Variants in MRTFB observed in about 807,000 individuals in gnomAD.
MRTFB encodes myocardin related transcription factor B.
A neutral mutation model predicts 104.2 loss-of-function variants in MRTFB; 29 were observed. That is an observed-to-expected ratio of 0.28 (90% CI 0.21 to 0.38). MRTFB has a LOEUF of 0.38. Ranked by LOEUF, MRTFB falls within the 10% of genes least tolerant of loss-of-function variation. MRTFB has a pLI of 1.00. For synonymous variants in MRTFB, 535 were observed against 519.5 expected, an observed-to-expected ratio of 1.03 and a Z score of -0.41; for missense variants, 1,270 against 1,341.6, an observed-to-expected ratio of 0.95 and a Z score of 0.83.
In MRTFB at chr16:14,137,823, A is replaced by G. The variant is rs191277168; in HGVS notation, c.-63-2721A>G. ...GTATGTCACTTATATGCATACATTT[A>G]TAGACTTTTAAAAATTTATTCTGTC... On this transcript the variant is annotated intron_variant, in intron 2 of 16. Transcript: ENST00000571589. 5.8e-4 allele frequency among the ~76,000 whole-genome samples: 88 copies of G among 151,996 alleles called. 1 individual carries two copies. The highest frequency in any genetic ancestry group is 2.0e-3 in the African/African-American group (84 of 41,350).
At chr16:14,108,582 T>A (rs1318827166) in intron 2 of MRTFB, among the ~76,000 whole-genome samples, 1 of 152,198 alleles carries the variant, frequency 6.6e-6, no homozygotes, top group Non-Finnish European at 1.5e-5. Context: ...TTGGCCACTT[T>A]GTAGAAATTT....
the MRTFB span, among the ~76,000 whole-genome samples, chr16:14,019,764 G>A: frequency 2.6e-5 from 4 of 152,092 alleles, no homozygotes; most frequent in African/African-American, 4.8e-5. Flanking sequence ...TGCGAACAGC[G>A]TTAATCGATC....
At chr16:14,182,328 G>A (rs897375797) in intron 3 of MRTFB, among the ~76,000 whole-genome samples, 1 of 152,146 alleles carries the variant, frequency 6.6e-6, no homozygotes, top group East Asian at 1.9e-4. Context: ...TATACAGGGT[G>A]TCCATGAGTG....
the MRTFB span, among the ~76,000 whole-genome samples, chr16:14,008,938 T>TTTTATTTATTTATTTATTTATTTATTTC: frequency 6.7e-6 from 1 of 148,556 alleles, no homozygotes; most frequent in Non-Finnish European, 1.5e-5. Context: ...TTTTTTAAAA[T>TTTTATTTATTTATTTATTTATTTATTTC]TTTATGTATT....
At chr16:14,128,472 T>A (rs1023773072) in intron 2 of MRTFB, among the ~76,000 whole-genome samples, 1 of 152,202 alleles carries the variant, frequency 6.6e-6, no homozygotes, top group Admixed American at 6.5e-5. Context: ...TTTCAGTGTT[T>A]AGCAGTAATG....
the MRTFB span, among the ~76,000 whole-genome samples, chr16:14,025,215 T>C: frequency 6.6e-6 from 1 of 152,322 alleles, no homozygotes; most frequent in African/African-American, 2.4e-5. Context: ...GGGTTTCACT[T>C]TGCCTCCCAG....
intron 3 of MRTFB, chr16:14,152,193 T>G (rs977746000): frequency 6.6e-6 from 1 of 152,146 alleles, no homozygotes; most frequent in African/African-American, 2.4e-5. Flanking sequence ...TTCCAGGAAA[T>G]CTATGTCATA....
intron 3 of MRTFB, among the ~76,000 whole-genome samples, chr16:14,167,030 T>C (rs980955758): frequency 1.7e-4 from 26 of 152,312 alleles, no homozygotes; most frequent in African/African-American, 5.1e-4. Context: ...ATACCCAAAA[T>C]GGGATTGCTA....
At chr16:14,002,568 C>T in the MRTFB span, among the ~76,000 whole-genome samples, 7 of 152,154 alleles carry the variant, frequency 4.6e-5, no homozygotes, top group Non-Finnish European at 1.0e-4. Context: ...CCTGCATCAT[C>T]GACAATTCTC....
chr16:14,253,981 T>A (rs1366622577), intron 15 of MRTFB, among the ~76,000 whole-genome samples: 1 of 152,206 alleles, frequency 6.6e-6, no homozygotes, highest in Admixed American at 6.5e-5. Context: ...TGCCAAGAGC[T>A]TAACTGCAGT....
the MRTFB span, among the ~76,000 whole-genome samples, chr16:13,998,147 A>T: frequency 6.6e-6 from 1 of 152,214 alleles, no homozygotes; most frequent in Non-Finnish European, 1.5e-5. Context: ...GAGTGTGGCT[A>T]CAACTCAGCA....
At chr16:14,243,813 T>C (rs2042885477) in intron 10 of MRTFB, among the ~76,000 whole-genome samples, 1 of 151,600 alleles carries the variant, frequency 6.6e-6, no homozygotes, top group Non-Finnish European at 1.5e-5. Flanking sequence ...GTCTCCCTTT[T>C]CCATGATCAT....
intron 8 of MRTFB, among the ~76,000 whole-genome samples, chr16:14,229,110 C>T (rs1288179290): frequency 6.6e-6 from 1 of 152,122 alleles, no homozygotes; most frequent in Non-Finnish European, 1.5e-5. Context: ...ACTTTTAAAG[C>T]AGGGATACGT....
chr16:14,180,431 T>C (rs953688316), intron 3 of MRTFB, among the ~76,000 whole-genome samples: 4 of 152,270 alleles, frequency 2.6e-5, no homozygotes, highest in Admixed American at 6.5e-5. Flanking sequence ...GTTGTATTTA[T>C]ATAAGTAACT....
the MRTFB span, among the ~76,000 whole-genome samples, chr16:14,007,885 C>T: frequency 1.3e-5 from 2 of 152,118 alleles, no homozygotes; most frequent in South Asian, 2.1e-4. Context: ...TTTGGAGAAA[C>T]GTCTATTCAG....
chr16:14,050,625 A>G, the MRTFB span, among the ~76,000 whole-genome samples: 6 of 152,340 alleles, frequency 3.9e-5, no homozygotes, highest in Admixed American at 1.3e-4. Context: ...GCAAACAGAA[A>G]GCAGAATGAC....
chr16:14,211,410 G>T (rs2041184819), intron 4 of MRTFB, among the ~76,000 whole-genome samples: 1 of 152,126 alleles, frequency 6.6e-6, no homozygotes, highest in African/African-American at 2.4e-5. Flanking sequence ...GGGCTCCTGG[G>T]AGTCTTTGTG....
At chr16:14,239,265 A>T (rs945102305) in intron 9 of MRTFB, among the ~76,000 whole-genome samples, 2 of 152,262 alleles carry the variant, frequency 1.3e-5, no homozygotes, top group African/African-American at 2.4e-5. Flanking sequence ...AAGGATATAA[A>T]CAAGAATGTT....
At chr16:14,078,791 T>G (rs2034220814) in intron 1 of MRTFB, among the ~76,000 whole-genome samples, 1 of 149,546 alleles carries the variant, frequency 6.7e-6, no homozygotes, top group Admixed American at 6.6e-5. Context: ...AAAGGCAGAT[T>G]TATTATTATA....
Sources: allele counts gnomAD v4.1 joint callset (sites outside exome capture counted in the v4.1 genomes callset), GRCh38; gene constraint gnomAD v4.1.1; transcripts MANE v1.5; gene names NCBI Gene and HGNC (gene_info 2026-07-23, HGNC 2026-07-21).